Variants in C6orf89 observed in about 807,000 individuals in gnomAD.
The protein encoded by C6orf89 is bombesin receptor-activated protein C6orf89.
In C6orf89, 29 loss-of-function variants were observed where a neutral mutation model predicts 40.7. The observed-to-expected ratio is 0.71, with a 90% CI of 0.53 to 0.97. The LOEUF is 0.97. C6orf89 is among the 50% of genes least tolerant of loss of function. The pLI is 0.00. For synonymous variants in C6orf89, 165 were observed against 152.2 expected (o/e 1.08, Z -0.62); for missense variants, 392 against 429.1 (o/e 0.91, Z 0.76).
At chr6:36,911,284 G>A (rs1367864148) in intron 4 of C6orf89, among the ~76,000 whole-genome samples, 1 of 152,176 alleles carries the variant, frequency 6.6e-6, no homozygotes, top group Non-Finnish European at 1.5e-5. Context: ...GAGATCAGGA[G>A]TTTGAGACCA....
chr6:36,902,743 T>C (rs1583173991), intron 4 of C6orf89, among the ~76,000 whole-genome samples: 2 of 152,348 alleles, frequency 1.3e-5, no homozygotes, highest in Admixed American at 1.3e-4. Flanking sequence ...TGATTGTATC[T>C]CATCCTTTTC....
At chr6:36,894,742 T>C in intron 2 of C6orf89, 139 bp downstream of exon 2, 1 of 167,374 alleles carries the variant, frequency 6.0e-6, no homozygotes, top group Non-Finnish European at 1.2e-5. Context: ...CAGTGGTGAT[T>C]CACTGAGATA....
At chr6:36,901,326 T>TATTATTACTA (rs1429510488) in intron 3 of C6orf89, among the ~76,000 whole-genome samples, 8 of 41,060 alleles carry the variant, frequency 1.9e-4, no homozygotes, top group African/African-American at 1.0e-3. Flanking sequence ...TTATTATTTT[T>TATTATTACTA]TTTTTTTTTT....
intron 1 of C6orf89, among the ~76,000 whole-genome samples, chr6:36,886,746 G>A (rs369233227): frequency 6.6e-6 from 1 of 152,138 alleles, no homozygotes; most frequent in African/African-American, 2.4e-5. Flanking sequence ...TGACTTTTCT[G>A]ATGGCTCATT....
intron 4 of C6orf89, among the ~76,000 whole-genome samples, chr6:36,912,946 T>C (rs1762180717): frequency 6.6e-6 from 1 of 152,202 alleles, no homozygotes. Flanking sequence ...ATTGACTTCG[T>C]TTCAGCCACA....
chr6:36,895,329 G>T (rs778488699), intron 2 of C6orf89, among the ~76,000 whole-genome samples: 29 of 152,164 alleles, frequency 1.9e-4, no homozygotes, highest in East Asian at 3.9e-4. Context: ...ATTTCTGGGG[G>T]TTTTTTTGGT....
rs1464444597 is a variant in C6orf89, at chr6:36,921,973, A to AGCTATGACTGCACCGCTGCACTCC, written c.950-1373_950-1350dup. ...AGCCCAGGAATTTGAGGCTGCAGTGAGCTATGACTGCACCGCTGCACTCCA... is the reference window on the plus strand; with the variant it reads ...AGCCCAGGAATTTGAGGCTGCAGTGAGCTATGACTGCACCGCTGCACTCCGCTATGACTGCACCGCTGCACTCCA... On this transcript the variant is annotated intron_variant, in intron 8 of 8. Coordinates refer to ENST00000480824, the MANE Select transcript of C6orf89 (RefSeq NM_001286635.2). Among the ~76,000 whole-genome samples, 518 of 152,252 alleles carry AGCTATGACTGCACCGCTGCACTCC rather than the reference A, an allele frequency of 3.4e-3. 24 individuals carry two copies. In the East Asian group the frequency reaches 0.093, roughly 27 times the overall value.
At chr6:36,892,974 G>A (rs71569356) in intron 1 of C6orf89, 10,802 of 151,092 alleles carry the variant, frequency 0.071, 397 homozygotes, top group South Asian at 0.1. Flanking sequence ...TCGCTCTGTC[G>A]CCCAGTCTGG....
chr6:36,888,544 G>A (rs2150677753), intron 1 of C6orf89, among the ~76,000 whole-genome samples: 1 of 152,294 alleles, frequency 6.6e-6, no homozygotes, highest in South Asian at 2.1e-4. Context: ...TGAGGCACGA[G>A]AATCTCTTGA....
In C6orf89 at chr6:36,886,293, G is replaced by T. The variant is rs76053178; in HGVS notation, c.-120+265G>T. On this transcript the variant is annotated intron_variant, in intron 1 of 8. Coordinates refer to ENST00000480824, the MANE Select transcript of C6orf89 (RefSeq NM_001286635.2). ...AACGAGGTGGACCTTGCTTGAACTT[G>T]GTTCTCAGGCATCACAGCAGTGTCC... 1.3e-3 allele frequency among the ~76,000 whole-genome samples: 191 copies of T among 152,330 alleles called. 3 individuals are homozygous for T. In the East Asian group the frequency reaches 0.035, roughly 28 times the overall value.
chr6:36,893,807 ATTTTTTATTG>A (rs1458073303), intron 1 of C6orf89, among the ~76,000 whole-genome samples: 4 of 152,240 alleles, frequency 2.6e-5, no homozygotes, highest in Non-Finnish European at 5.9e-5. Context: ...GGCATGTGCC[ATTTTTTATTG>A]TCTTGCTAGA....
At chr6:36,918,336 C>T (rs764318748) in intron 7 of C6orf89, among the ~76,000 whole-genome samples, 3 of 152,226 alleles carry the variant, frequency 2.0e-5, no homozygotes, top group Non-Finnish European at 4.4e-5. Flanking sequence ...GGGATACAGC[C>T]ACTTGTTTTG....
At chr6:36,904,061 T>C (rs552634704) in intron 4 of C6orf89, among the ~76,000 whole-genome samples, 8 of 152,276 alleles carry the variant, frequency 5.3e-5, no homozygotes, top group Non-Finnish European at 1.2e-4. Flanking sequence ...TGCCTCTTCC[T>C]CAGACACACC....
At chr6:36,919,229 C>T (rs540490199) in intron 7 of C6orf89, among the ~76,000 whole-genome samples, 1 of 152,306 alleles carries the variant, frequency 6.6e-6, no homozygotes, top group East Asian at 1.9e-4. Context: ...CTTTGGCTTA[C>T]TTTGAAGCTG....
intron 1 of C6orf89, among the ~76,000 whole-genome samples, chr6:36,878,328 C>A (rs1774714730): frequency 6.6e-6 from 1 of 152,152 alleles, no homozygotes; most frequent in Non-Finnish European, 1.5e-5. Context: ...TTAGTCTGAA[C>A]CCAGTAGTAT....
upstream of C6orf89, among the ~76,000 whole-genome samples, chr6:36,882,013 A>G (rs550424959): frequency 2.6e-5 from 4 of 152,296 alleles, no homozygotes; most frequent in South Asian, 4.1e-4. Context: ...TTTAATATTA[A>G]AAGATAATGA....
At chr6:36,920,532 C>T (rs549069409) in intron 8 of C6orf89, among the ~76,000 whole-genome samples, 1 of 152,124 alleles carries the variant, frequency 6.6e-6, no homozygotes, top group East Asian at 1.9e-4. Context: ...TCAGAAGACC[C>T]CCAAGCCCCT....
At chr6:36,923,013 G>A (rs1762563137) in intron 8 of C6orf89, among the ~76,000 whole-genome samples, 1 of 152,118 alleles carries the variant, frequency 6.6e-6, no homozygotes, top group African/African-American at 2.4e-5. Flanking sequence ...CTTATGCTAG[G>A]AAGTGCCAGA....
chr6:36,905,854 G>A (rs1270488527), intron 4 of C6orf89, among the ~76,000 whole-genome samples: 2 of 152,254 alleles, frequency 1.3e-5, no homozygotes, highest in East Asian at 3.9e-4. Context: ...GGCCAGGAGA[G>A]GTAAAGGAGC....
Sources: gnomAD v4.1 joint callset for allele counts (sites outside exome capture counted in the v4.1 genomes callset) on GRCh38, gnomAD v4.1.1 for gene constraint, MANE v1.5 for transcripts, NCBI Gene and HGNC (gene_info 2026-07-23, HGNC 2026-07-21) for gene names.